The following GRM3 variants were observed in gnomAD, a reference collection of about 807,000 sequenced individuals.
GRM3 encodes glutamate metabotropic receptor 3, also known as metabotropic glutamate receptor 3.
A neutral mutation model predicts 70.5 loss-of-function variants in GRM3; 26 were observed. The ratio of observed to expected loss-of-function variants is 0.37; its 90% confidence interval spans 0.27 to 0.51. The LOEUF (loss-of-function observed/expected upper bound fraction) is 0.51, where lower values mean the gene tolerates loss of function less well. Ranked by LOEUF, GRM3 falls within the 20% of genes least tolerant of loss-of-function variation. GRM3 has a pLI of 0.93. For synonymous variants in GRM3, 443 were observed against 434.9 expected, an observed-to-expected ratio of 1.02 and a Z score of -0.23; for missense variants, 859 against 1,123.8, an observed-to-expected ratio of 0.76 and a Z score of 3.37.
chr7:86,696,578 T>C (rs1014503433), intron 1 of GRM3, among the ~76,000 whole-genome samples: 1 of 152,210 alleles, frequency 6.6e-6, no homozygotes, highest in Non-Finnish European at 1.5e-5. Flanking sequence ...TTTGTGGTAA[T>C]CTGTTAAAGC....
intron 1 of GRM3, among the ~76,000 whole-genome samples, chr7:86,652,881 G>C (rs934685031): frequency 6.6e-6 from 1 of 152,164 alleles, no homozygotes; most frequent in Non-Finnish European, 1.5e-5. Context: ...TGGGACACAT[G>C]CATCCCAGGC....
At chr7:86,809,016 T>A (rs928060142) in intron 3 of GRM3, among the ~76,000 whole-genome samples, 20 of 152,096 alleles carry the variant, frequency 1.3e-4, no homozygotes, top group African/African-American at 2.9e-4. Flanking sequence ...GGAACATTTT[T>A]AAATTATGAT....
At chr7:86,813,417 C>T (rs932482262) in intron 3 of GRM3, among the ~76,000 whole-genome samples, 2 of 151,800 alleles carry the variant, frequency 1.3e-5, no homozygotes, top group African/African-American at 4.8e-5. Context: ...GTTAAATGTC[C>T]TTGGAATGAA....
chr7:86,782,441 G>A (rs975959175), intron 2 of GRM3, among the ~76,000 whole-genome samples: 1 of 151,910 alleles, frequency 6.6e-6, no homozygotes, highest in Non-Finnish European at 1.5e-5. Context: ...GAGAAAGTAA[G>A]AGGGATGGAG....
intron 1 of GRM3, among the ~76,000 whole-genome samples, chr7:86,647,163 T>A (rs1030978804): frequency 6.6e-6 from 1 of 152,228 alleles, no homozygotes; most frequent in African/African-American, 2.4e-5. Context: ...TTGAAGATGT[T>A]CTTATTTTGA....
chr7:86,843,576 C>T (rs1798598771), intron 4 of GRM3, among the ~76,000 whole-genome samples: 1 of 152,148 alleles, frequency 6.6e-6, no homozygotes, highest in African/African-American at 2.4e-5. Flanking sequence ...TAATACATAG[C>T]TTAAATTGTG....
intron 3 of GRM3, among the ~76,000 whole-genome samples, chr7:86,804,449 G>T (rs146053013): frequency 6.6e-6 from 1 of 152,052 alleles, no homozygotes; most frequent in African/African-American, 2.4e-5. Context: ...TGCTCTTGTC[G>T]CCCAGGCTGG....
chr7:86,661,391 A>C (rs1793890222), intron 1 of GRM3, among the ~76,000 whole-genome samples: 2 of 151,984 alleles, frequency 1.3e-5, no homozygotes, highest in Non-Finnish European at 2.9e-5. Context: ...ACTTTTACTA[A>C]GCACTTTTTG....
At chr7:86,789,027 C>T (rs1372624753) in intron 3 of GRM3, among the ~76,000 whole-genome samples, 1 of 152,080 alleles carries the variant, frequency 6.6e-6, no homozygotes. Flanking sequence ...AGTAAAGAAA[C>T]AAGCCCATTA....
intron 1 of GRM3, among the ~76,000 whole-genome samples, chr7:86,722,233 C>A (rs1429884340): frequency 6.6e-6 from 1 of 151,904 alleles, no homozygotes; most frequent in Non-Finnish European, 1.5e-5. Context: ...ACCATTTGAC[C>A]CAGCAATCCC....
chr7:86,824,425 A>G (rs1424708163), intron 3 of GRM3, among the ~76,000 whole-genome samples: 5 of 152,214 alleles, frequency 3.3e-5, no homozygotes, highest in African/African-American at 1.2e-4. Flanking sequence ...ATTTGTGATG[A>G]CATTTGATAT....
At chr7:86,662,860 T>C (rs893535388) in intron 1 of GRM3, among the ~76,000 whole-genome samples, 3 of 151,916 alleles carry the variant, frequency 2.0e-5, no homozygotes, top group Non-Finnish European at 4.4e-5. Flanking sequence ...AGCCACCAAA[T>C]GTAGTATGAA....
chr7:86,692,379 T>C (rs1274613825), intron 1 of GRM3, among the ~76,000 whole-genome samples: 1 of 152,218 alleles, frequency 6.6e-6, no homozygotes, highest in Non-Finnish European at 1.5e-5. Context: ...TTGTCAATCA[T>C]TATGATCCTA....
At chr7:86,842,801 T>C (rs1798582431) in intron 4 of GRM3, among the ~76,000 whole-genome samples, 1 of 152,180 alleles carries the variant, frequency 6.6e-6, no homozygotes, top group Non-Finnish European at 1.5e-5. Context: ...CAGAATAGTT[T>C]ATAATTAAAT....
At chr7:86,733,415 G>A (rs1050908792) in intron 1 of GRM3, among the ~76,000 whole-genome samples, 2 of 152,062 alleles carry the variant, frequency 1.3e-5, no homozygotes, top group Non-Finnish European at 2.9e-5. Flanking sequence ...GAAAATTATG[G>A]GCTTGAGGCT....
At chr7:86,713,382 AC>A (rs1483697074) in intron 1 of GRM3, among the ~76,000 whole-genome samples, 1 of 152,006 alleles carries the variant, frequency 6.6e-6, no homozygotes, top group African/African-American at 2.4e-5. Flanking sequence ...AAAGTGCTCC[AC>A]AGCTTAGCTC....
chr7:86,847,300 T>G (rs1798672702), intron 4 of GRM3, among the ~76,000 whole-genome samples: 1 of 152,182 alleles, frequency 6.6e-6, no homozygotes, highest in African/African-American at 2.4e-5. Context: ...GCTGTTGGAC[T>G]GGATGTGTAA....
chr7:86,785,509 A>T (rs1170800480), intron 2 of GRM3, among the ~76,000 whole-genome samples: 3 of 151,234 alleles, frequency 2.0e-5, no homozygotes, highest in African/African-American at 4.9e-5. Flanking sequence ...ATACCTTTTA[A>T]TTTTTTTTAA....
At chr7:86,714,834 A>G (rs1266401505) in intron 1 of GRM3, among the ~76,000 whole-genome samples, 1 of 151,992 alleles carries the variant, frequency 6.6e-6, no homozygotes, top group Non-Finnish European at 1.5e-5. Flanking sequence ...GGGTTATGAT[A>G]ATAAAGGGCA....
Sources: allele counts gnomAD v4.1 joint callset (sites outside exome capture counted in the v4.1 genomes callset), GRCh38; gene constraint gnomAD v4.1.1; transcripts MANE v1.5; gene names NCBI Gene and HGNC (gene_info 2026-07-23, HGNC 2026-07-21).